Variants in C9 observed in about 807,000 individuals in gnomAD.
C9 encodes complement component C9.
C9 carries 63 observed loss-of-function variants against 65.4 expected under a neutral mutation model. The ratio of observed to expected loss-of-function variants is 0.96; its 90% CI spans 0.79 to 1.19. The LOEUF (loss-of-function observed/expected upper bound fraction) is 1.19, where lower values mean the gene tolerates loss of function less well. Among genes scored for constraint, C9 ranks in the 50% most tolerant of loss-of-function variants. C9 has a pLI of 0.00. For synonymous variants in C9, 229 were observed against 227.9 expected, an observed-to-expected ratio of 1.00 and a Z score of -0.04; for missense variants, 744 against 670.1, an observed-to-expected ratio of 1.11 and a Z score of -1.22.
intron 5 of C9, among the ~76,000 whole-genome samples, chr5:39,317,615 C>G (rs1753592014): frequency 6.6e-6 from 1 of 152,124 alleles, no homozygotes; most frequent in Non-Finnish European, 1.5e-5. Flanking sequence ...TTTCCCATTG[C>G]TTGTTTTGGT....
chr5:39,345,713 A>G (rs1203122701), intron 1 of C9, among the ~76,000 whole-genome samples: 2 of 152,230 alleles, frequency 1.3e-5, no homozygotes, highest in African/African-American at 4.8e-5. Flanking sequence ...AAATCAACAG[A>G]ATATACATTC....
At chr5:39,329,359 C>T (rs1753806269) in intron 5 of C9, among the ~76,000 whole-genome samples, 2 of 152,286 alleles carry the variant, frequency 1.3e-5, no homozygotes, top group Admixed American at 1.3e-4. Flanking sequence ...CAGTGACTTT[C>T]TGAGTGTTTC....
intron 5 of C9, among the ~76,000 whole-genome samples, chr5:39,328,231 C>G (rs1176644359): frequency 1.3e-5 from 2 of 152,222 alleles, no homozygotes; most frequent in African/African-American, 4.8e-5. Context: ...GAAGAAACAA[C>G]TGTGAAAGCT....
intron 9 of C9, among the ~76,000 whole-genome samples, chr5:39,302,304 C>T (rs1431429451): frequency 1.3e-5 from 2 of 152,042 alleles, no homozygotes; most frequent in Non-Finnish European, 2.9e-5. Context: ...CTCTATCTTT[C>T]TACCATGTGT....
chr5:39,289,993 A>G (rs1753059873), intron 9 of C9, among the ~76,000 whole-genome samples: 1 of 151,906 alleles, frequency 6.6e-6, no homozygotes, highest in Non-Finnish European at 1.5e-5. Flanking sequence ...GGCACACTCA[A>G]ATTCCTGCAG....
At chr5:39,347,840 G>T (rs537591039) in intron 1 of C9, among the ~76,000 whole-genome samples, 1 of 152,230 alleles carries the variant, frequency 6.6e-6, no homozygotes, top group South Asian at 2.1e-4. Flanking sequence ...CAATGGAACA[G>T]AATGGAGCCC....
intron 9 of C9, among the ~76,000 whole-genome samples, chr5:39,293,121 A>G (rs1298160036): frequency 1.3e-5 from 2 of 151,938 alleles, no homozygotes; most frequent in Non-Finnish European, 2.9e-5. Context: ...AACTGCAAAG[A>G]TAAACAACTA....
chr5:39,291,649 A>G (rs774039839), intron 9 of C9, among the ~76,000 whole-genome samples: 1 of 151,922 alleles, frequency 6.6e-6, no homozygotes, highest in Non-Finnish European at 1.5e-5. Flanking sequence ...AAACCCAAAG[A>G]CAATGGAGAA....
At chr5:39,338,903 G>A (rs1454798856) in intron 4 of C9, among the ~76,000 whole-genome samples, 2 of 152,138 alleles carry the variant, frequency 1.3e-5, no homozygotes, top group East Asian at 3.8e-4. Context: ...ATGAATGATT[G>A]TTTTTCAGCT....
At chr5:39,298,813 C>T (rs770099111) in intron 9 of C9, among the ~76,000 whole-genome samples, 4 of 151,804 alleles carry the variant, frequency 2.6e-5, no homozygotes, top group African/African-American at 4.8e-5. Context: ...ATCAATATCA[C>T]TCATGAACAT....
chr5:39,344,416 G>T (rs939818521), intron 1 of C9, among the ~76,000 whole-genome samples: 3 of 152,184 alleles, frequency 2.0e-5, no homozygotes, highest in Admixed American at 6.5e-5. Flanking sequence ...GGAAGAAAGG[G>T]TATCAGTGAT....
At chr5:39,309,271 C>T (rs1753435857) in intron 7 of C9, among the ~76,000 whole-genome samples, 1 of 150,714 alleles carries the variant, frequency 6.6e-6, no homozygotes, top group Non-Finnish European at 1.5e-5. Context: ...TACATGCAAA[C>T]ACACACACAC....
chr5:39,355,079 A>C (rs1754391672), intron 1 of C9, among the ~76,000 whole-genome samples: 1 of 152,158 alleles, frequency 6.6e-6, no homozygotes, highest in Non-Finnish European at 1.5e-5. Flanking sequence ...ACTTAGATGA[A>C]TATGTTAACA....
chr5:39,342,999 T>C (rs142837766), intron 1 of C9, among the ~76,000 whole-genome samples: 1 of 152,298 alleles, frequency 6.6e-6, no homozygotes, highest in East Asian at 1.9e-4. Flanking sequence ...TCCCTACCTC[T>C]ACTTGCCTGA....
chr5:39,341,378 T>A, intron 3 of C9, 85 bp from the exon 4 acceptor site: 1 of 1,528,154 alleles, frequency 6.5e-7, no homozygotes. Context: ...ATTTTAACCC[T>A]GGAGGTGAGG....
intron 7 of C9, among the ~76,000 whole-genome samples, chr5:39,309,728 G>T (rs137985070): frequency 2.2e-4 from 33 of 152,220 alleles, no homozygotes; most frequent in African/African-American, 6.7e-4. Context: ...TGGCACTGGA[G>T]AAGTGAGAAA....
intron 9 of C9, among the ~76,000 whole-genome samples, chr5:39,293,934 A>T (rs1003098277): frequency 2.0e-5 from 3 of 152,036 alleles, no homozygotes; most frequent in Non-Finnish European, 4.4e-5. Context: ...CATGGAAATT[A>T]AACAATATGC....
rs1285714817 is a variant in C9, at chr5:39,288,720, C to A, written c.1645+3G>T. 1 of 1,568,046 alleles carries A rather than the reference C, an allele frequency of 6.4e-7. No homozygotes were observed. The highest frequency in any genetic ancestry group is 8.8e-7 in the Non-Finnish European group (1 of 1,138,666). On this transcript the variant is annotated splice_donor_region_variant and intron_variant, in intron 10 of 10. Coordinates refer to ENST00000263408, the MANE Select transcript of C9 (RefSeq NM_001737.5). ...TTAATCACATCAAATAAATTGTCCT[C>A]ACCTTCAGAAATTTTTTGTTTACTG... is the stretch of plus-strand genomic sequence containing the variant.
chr5:39,359,403 G>A (rs1754475971), intron 1 of C9, among the ~76,000 whole-genome samples: 1 of 151,896 alleles, frequency 6.6e-6, no homozygotes, highest in Non-Finnish European at 1.5e-5. Flanking sequence ...AGTCTAAGTG[G>A]TATTTCATCA....
Sources: gnomAD v4.1 joint callset for allele counts (sites outside exome capture counted in the v4.1 genomes callset) on GRCh38, gnomAD v4.1.1 for gene constraint, MANE v1.5 for transcripts, NCBI Gene and HGNC (gene_info 2026-07-23, HGNC 2026-07-21) for gene names.